AKAP8: variants seen among roughly 807,000 people sequenced by gnomAD.
The protein encoded by AKAP8 is A-kinase anchor protein 8.
A neutral mutation model predicts 67.5 loss-of-function variants in AKAP8; 24 were observed. The observed-to-expected ratio is 0.36, with a 90% CI of 0.26 to 0.50. AKAP8 has a LOEUF of 0.50. AKAP8 is among the 20% of genes least tolerant of loss of function. The probability of loss-of-function intolerance (pLI) is 0.97; values close to 1 mark genes in which losing one functional copy is unlikely to be tolerated. For synonymous variants in AKAP8, 400 were observed against 371.1 expected (o/e 1.08, Z -0.90); for missense variants, 971 against 955.9 (o/e 1.02, Z -0.21).
intron 9 of AKAP8, among the ~76,000 whole-genome samples, chr19:15,366,325 A>T (rs1188657045): frequency 6.6e-6 from 1 of 152,118 alleles, no homozygotes; most frequent in Non-Finnish European, 1.5e-5. Flanking sequence ...AAATAATTAA[A>T]AAGAAAATGT....
chr19:15,367,498 A>G (rs1192789811), intron 9 of AKAP8, among the ~76,000 whole-genome samples: 1 of 152,170 alleles, frequency 6.6e-6, no homozygotes, highest in Non-Finnish European at 1.5e-5. Context: ...ATTGCACTCC[A>G]GCCTGGGCGA....
At position 15,373,248 on chromosome 19, in the gene AKAP8, T is replaced by A. The variant is rs775060199; in HGVS notation, c.464A>T (p.Glu155Val). Residue 155 changes from glutamate (E) to valine (V), a missense_variant, in exon 5 of 14, where the codon GAG becomes GTG. By Grantham distance (121) the Glu-to-Val change is moderately radical (BLOSUM62 -2). This residue lies in a region of AKAP8 where 763 missense variants were observed against 745.4 expected (regional missense o/e 1.02). Coordinates refer to ENST00000269701, the MANE Select transcript of AKAP8 (RefSeq NM_005858.4). ...ATTGCGGTCGGACCCCAGGTCGAAC[T>A]CATAGTCGTAGCTGTAGCTGGGGCG... Reference protein sequence around the residue: ...PYRPSYSYDYEFDLGSDRNGS... With the variant: ...PYRPSYSYDYVFDLGSDRNGS... The A allele has an allele frequency of 6.2e-7, 1 of 1,613,952 alleles. No homozygotes were observed. The highest frequency in any genetic ancestry group is 1.7e-5 in the Admixed American group (1 of 60,016).
intron 9 of AKAP8, among the ~76,000 whole-genome samples, chr19:15,363,704 G>A (rs1327347332): frequency 1.3e-5 from 2 of 152,170 alleles, no homozygotes; most frequent in East Asian, 3.9e-4. Flanking sequence ...TGGCGGTTTT[G>A]TGGAATAGAA....
rs1337258525 is a variant in AKAP8, at chr19:15,374,585, C to T, written c.91+18G>A. 6.2e-7 allele frequency: 1 copy of T among 1,612,816 alleles called. No individual in the cohort carries two copies. The highest frequency in any genetic ancestry group is 2.2e-5 in the East Asian group (1 of 44,782). ...GCCCACTTGCCCGCCCACAGACCCC[C>T]CCCACAGAAGGGCTTACCTTGCCAG... On this transcript the variant is annotated intron_variant, in intron 3 of 13. Coordinates refer to ENST00000269701, the MANE Select transcript of AKAP8 (RefSeq NM_005858.4).
At chr19:15,365,501 G>A (rs1166479597) in intron 9 of AKAP8, among the ~76,000 whole-genome samples, 2 of 152,174 alleles carry the variant, frequency 1.3e-5, no homozygotes, top group Non-Finnish European at 1.5e-5. Context: ...AGGGGTGCAG[G>A]CCCTGTGGCA....
chr19:15,363,736 G>T (rs1301652315), intron 9 of AKAP8, among the ~76,000 whole-genome samples: 1 of 152,236 alleles, frequency 6.6e-6, no homozygotes, highest in Non-Finnish European at 1.5e-5. Flanking sequence ...GTGGGGAAAA[G>T]ATTGAGAAAT....
intron 1 of AKAP8, 80 bp from the exon 2 acceptor site, chr19:15,377,094 C>G (rs1967266300): frequency 6.7e-7 from 1 of 1,500,362 alleles, no homozygotes. Context: ...CTAAAGGGAT[C>G]TCCTTACAGT....
Position 15,354,869 on chromosome 19 carries a change from A to T in AKAP8, c.*46T>A, listed in dbSNP as rs2048266636. ...CTTACAAACCAAGGGAGAAAGACCA[A>T]CGCATCCATCATCCCAACGCCTTCC... On this transcript the variant is annotated 3_prime_UTR_variant, in exon 14 of 14. Transcript: ENST00000269701. 6.3e-7 allele frequency: 1 copy of T among 1,596,716 alleles called. No homozygotes were observed. The highest frequency in any genetic ancestry group is 8.6e-7 in the Non-Finnish European group (1 of 1,169,402).
At chr19:15,371,590 G>A (rs1210617872) in intron 7 of AKAP8, among the ~76,000 whole-genome samples, 1 of 151,836 alleles carries the variant, frequency 6.6e-6, no homozygotes. Flanking sequence ...CCAGGTTCAA[G>A]TGATCCTCCT....
Position 15,373,830 on chromosome 19 carries a change from C to G in AKAP8, c.327G>C (p.Arg109Ser). ...RLDMMSKEGG[R>S]GGSGGGGEGI... ...CCTCCCCACCGCCGCCGCTCCCGCC[C>G]CTGCCTCCTTCCTTGGACATCATGT... The change falls in exon 4 of 14, where the codon AGG (arginine) becomes AGC (serine). Residue 109 changes from arginine to serine, a missense_variant. Coordinates refer to ENST00000269701, the MANE Select transcript of AKAP8 (RefSeq NM_005858.4). 1 of 1,612,126 alleles carries G rather than the reference C, an allele frequency of 6.2e-7. No homozygotes were observed. The highest frequency in any genetic ancestry group is 8.5e-7 in the Non-Finnish European group (1 of 1,179,906).
chr19:15,374,760 G>A, intron 2 of AKAP8, 125 bp from the exon 3 acceptor site: 1 of 1,091,170 alleles, frequency 9.2e-7, no homozygotes, highest in Non-Finnish European at 1.3e-6. Context: ...CGCTCAGGGA[G>A]ACACCCTTGG....
At chr19:15,376,889 C>T in intron 2 of AKAP8, 87 bp downstream of exon 2, 1 of 1,506,620 alleles carries the variant, frequency 6.6e-7, no homozygotes, top group Non-Finnish European at 9.0e-7. Flanking sequence ...GGCTACTACT[C>T]TCCCTTGACC....
At chr19:15,372,125 G>A (rs1055518434) in intron 6 of AKAP8, 93 bp downstream of exon 6, 8 of 1,607,636 alleles carry the variant, frequency 5.0e-6, no homozygotes, top group East Asian at 2.2e-5. Context: ...TGCCACCTGC[G>A]AGTGTCCACG....
Position 15,368,226 on chromosome 19 carries a change from G to C in AKAP8, c.1160+9C>G, listed in dbSNP as rs1396924727. Reference sequence around the variant, plus strand: ...CCTCCTCCTGTGGGGTCGTGTGCCCGCGCCTCACCTGTCGGCTGCACGGTC... The same window carrying C: ...CCTCCTCCTGTGGGGTCGTGTGCCCCCGCCTCACCTGTCGGCTGCACGGTC... On this transcript the variant is annotated intron_variant, in intron 9 of 13. Transcript: ENST00000269701. 1 of 1,610,748 alleles carries C rather than the reference G, an allele frequency of 6.2e-7. No homozygotes were observed. The highest frequency in any genetic ancestry group is 8.5e-7 in the Non-Finnish European group (1 of 1,179,820).
intron 3 of AKAP8, 133 bp downstream of exon 3, chr19:15,374,470 G>C: frequency 9.0e-7 from 1 of 1,105,684 alleles, no homozygotes; most frequent in Non-Finnish European, 1.3e-6. Context: ...CACAACAGCA[G>C]CCGTGGCTGA....
At chr19:15,379,690 C>T (rs1207869767) in intron 1 of AKAP8, 23 bp downstream of exon 1, 2 of 1,606,878 alleles carry the variant, frequency 1.2e-6, no homozygotes, top group East Asian at 4.5e-5. Flanking sequence ...CTCCCCGCTC[C>T]GCACCCAGCA....
chr19:15,363,126 C>A (rs1465571481), intron 9 of AKAP8, among the ~76,000 whole-genome samples: 1 of 151,520 alleles, frequency 6.6e-6, no homozygotes, highest in East Asian at 2.0e-4. Flanking sequence ...GCCCGGCAGC[C>A]GCCCCGTCTG....
rs1168191131 is a variant in AKAP8, at chr19:15,362,270, G to C, written c.1161-19C>G. On this transcript the variant is annotated intron_variant, in intron 9 of 13. Transcript: ENST00000269701. Reference sequence around the variant, plus strand: ...CTGAATTCTGTAGAAGGAAAACAAGGAGGGGAGTGAAGCAGGGAGCATCAG... The same window carrying C: ...CTGAATTCTGTAGAAGGAAAACAAGCAGGGGAGTGAAGCAGGGAGCATCAG... The C allele has an allele frequency of 1.2e-6, 2 of 1,613,764 alleles. No homozygotes were observed. The highest frequency in any genetic ancestry group is 3.3e-5 in the Admixed American group (2 of 59,994).
chr19:15,361,560 G>A (rs1220657253), intron 11 of AKAP8, 169 bp downstream of exon 11: 6 of 571,440 alleles, frequency 1.0e-5, no homozygotes, highest in Non-Finnish European at 1.9e-5. Flanking sequence ...CACCGTGTCA[G>A]ACAGGATGGC....
Sources: gnomAD v4.1 joint callset for allele counts (sites outside exome capture counted in the v4.1 genomes callset) on GRCh38, gnomAD v4.1.1 for gene constraint, gnomAD v4.1.1 regional missense constraint, MANE v1.5 for transcripts, NCBI Gene and HGNC (gene_info 2026-07-23, HGNC 2026-07-21) for gene names.